XXYLT1: variants seen among roughly 807,000 people sequenced by gnomAD.
XXYLT1 encodes the protein xyloside xylosyltransferase 1.
In XXYLT1, 20 loss-of-function variants were observed where a neutral mutation model predicts 28.9. The ratio of observed to expected loss-of-function variants is 0.69; its 90% CI spans 0.49 to 1.00. The LOEUF (loss-of-function observed/expected upper bound fraction) is 1.00, where lower values mean the gene tolerates loss of function less well. XXYLT1 is among the 50% of genes least tolerant of loss of function. The pLI is 0.00. For missense variants in XXYLT1, 542 were observed against 560.1 expected (o/e 0.97, Z 0.33); for synonymous variants, 257 against 253.8 (o/e 1.01, Z -0.12).
Position 195,201,987 on chromosome 3 carries a change from A to G in XXYLT1, c.652+24722T>C, listed in dbSNP as rs549903485. ...AGGTCAGAAGTTCAAGACCAGCCTG[A>G]CCAACATGGAGAAACCCCGTCTCTA... On this transcript the variant is annotated intron_variant, in intron 2 of 3. Transcript: ENST00000310380. 1.0e-3 allele frequency among the ~76,000 whole-genome samples: 156 copies of G among 151,936 alleles called. 1 individual carries two copies. Among genetic ancestry groups the G allele is most frequent in the South Asian group, 3.5e-3 (17 of 4,806 alleles).
intron 1 of XXYLT1, among the ~76,000 whole-genome samples, chr3:195,242,370 CTT>C (rs954400877): frequency 2.6e-5 from 4 of 152,192 alleles, no homozygotes; most frequent in African/African-American, 4.8e-5. Context: ...CAATCACTCT[CTT>C]TGTCAGTAGG....
chr3:195,161,638 T>C (rs1720877582), intron 2 of XXYLT1, among the ~76,000 whole-genome samples: 1 of 149,974 alleles, frequency 6.7e-6, no homozygotes, highest in African/African-American at 2.4e-5. Context: ...ATATAGATTT[T>C]TTTTTTTTTT....
At chr3:195,200,445 T>C (rs1333311269) in intron 2 of XXYLT1, among the ~76,000 whole-genome samples, 1 of 152,206 alleles carries the variant, frequency 6.6e-6, no homozygotes, top group East Asian at 1.9e-4. Flanking sequence ...GTGGAAACAA[T>C]GGTACTGGAA....
At chr3:195,252,534 T>A (rs1725297449) in intron 1 of XXYLT1, among the ~76,000 whole-genome samples, 1 of 152,136 alleles carries the variant, frequency 6.6e-6, no homozygotes, top group African/African-American at 2.4e-5. Context: ...AAATTCTTTA[T>A]AATGAAGAGG....
chr3:195,098,829 C>T (rs947330227), intron 3 of XXYLT1, among the ~76,000 whole-genome samples: 9 of 152,206 alleles, frequency 5.9e-5, no homozygotes, highest in South Asian at 2.1e-4. Flanking sequence ...ACACTACCTA[C>T]GGGTGGGACC....
chr3:195,251,254 G>A (rs1049522979), intron 1 of XXYLT1, among the ~76,000 whole-genome samples: 2 of 152,242 alleles, frequency 1.3e-5, no homozygotes, highest in Non-Finnish European at 2.9e-5. Context: ...GAGACCACTT[G>A]CTAACTGCAA....
At position 195,215,958 on chromosome 3, in the gene XXYLT1, T is replaced by C. The variant is rs531605405; in HGVS notation, c.652+10751A>G. 1.1e-4 allele frequency among the ~76,000 whole-genome samples: 17 copies of C among 151,680 alleles called. No homozygotes were observed. The South Asian group carries it at 3.2e-3, about 28-fold the overall frequency. ...CTCAGCAAATGTAAAAGAACAGAAA[T>C]TATAACAAACTATCTCTCAGACCAC... On this transcript the variant is annotated intron_variant, in intron 2 of 3. Coordinates refer to ENST00000310380, the MANE Select transcript of XXYLT1 (RefSeq NM_152531.5).
At chr3:195,111,785 G>A (rs1483416719) in intron 3 of XXYLT1, among the ~76,000 whole-genome samples, 1 of 152,146 alleles carries the variant, frequency 6.6e-6, no homozygotes, top group Non-Finnish European at 1.5e-5. Flanking sequence ...AGGGCCTTGA[G>A]GCTGGATTAC....
chr3:195,117,869 G>C lies in XXYLT1; in HGVS notation c.785+38580C>G, dbSNP rs577286805. On this transcript the variant is annotated intron_variant, in intron 3 of 3. Transcript: ENST00000310380. ...GGAGTTCCCATTCCTGGGCCCCTGG[G>C]CCACAGCCTCCCCGTCGGAATAACA... Among the ~76,000 whole-genome samples, 35 of 152,336 alleles carry C rather than the reference G, an allele frequency of 2.3e-4. No individual in the cohort carries two copies. The Middle Eastern group carries it at 0.01, about 44-fold the overall frequency.
At chr3:195,071,757 A>C (rs1714828251) in intron 3 of XXYLT1, among the ~76,000 whole-genome samples, 1 of 152,142 alleles carries the variant, frequency 6.6e-6, no homozygotes, top group African/African-American at 2.4e-5. Context: ...GGACCAGGTT[A>C]TAAAGCAGCT....
chr3:195,253,560 G>C (rs1042553364), intron 1 of XXYLT1, among the ~76,000 whole-genome samples: 4 of 127,526 alleles, frequency 3.1e-5, no homozygotes, highest in Non-Finnish European at 4.7e-5. Flanking sequence ...GTGCAGTGTT[G>C]TGATTTTGGT....
chr3:195,176,402 G>C lies in XXYLT1; in HGVS notation c.653-19821C>G, dbSNP rs1027106346. ...TGTAGAATGCTTAAATCCCCTCCCA[G>C]TAATTCTGATCCTCTGTGATCACAC... On this transcript the variant is annotated intron_variant, in intron 2 of 3. Coordinates refer to ENST00000310380, the MANE Select transcript of XXYLT1 (RefSeq NM_152531.5). The surrounding 1 kb of genome is among the most constrained non-coding windows in gnomAD (Gnocchi z 4.9). 6.6e-6 allele frequency among the ~76,000 whole-genome samples: 1 copy of C among 152,108 alleles called. No homozygotes were observed. Among genetic ancestry groups the C allele is most frequent in the Non-Finnish European group, 1.5e-5 (1 of 68,026 alleles).
At chr3:195,197,442 A>T (rs74734559) in intron 2 of XXYLT1, among the ~76,000 whole-genome samples, 1 of 121,664 alleles carries the variant, frequency 8.2e-6, no homozygotes, top group African/African-American at 4.3e-5. Flanking sequence ...GTCTCAATTT[A>T]AAAAAAAAAA....
At chr3:195,120,283 T>TTCCC (rs1718282717) in intron 3 of XXYLT1, among the ~76,000 whole-genome samples, 1 of 68,668 alleles carries the variant, frequency 1.5e-5, no homozygotes, top group Non-Finnish European at 3.1e-5. Flanking sequence ...GCTGCTCAGA[T>TTCCC]GCCCCCCCCG....
rs1176765083 is a variant in XXYLT1, at chr3:195,150,898, TCTCC to T, written c.785+5547_785+5550del. 6.6e-6 allele frequency among the ~76,000 whole-genome samples: 1 copy of T among 150,840 alleles called. No individual in the cohort carries two copies. Among genetic ancestry groups the T allele is most frequent in the Non-Finnish European group, 1.5e-5 (1 of 67,832 alleles). On this transcript the variant is annotated intron_variant, in intron 3 of 3. Coordinates refer to ENST00000310380, the MANE Select transcript of XXYLT1 (RefSeq NM_152531.5). The surrounding 1 kb of genome is among the most constrained non-coding windows in gnomAD (Gnocchi z 4.7). Reference sequence around the variant, plus strand: ...CTCCCTCTCCCTCTCCCTCTCTCTCTCTCCATCACTCCAGGGTCAGCAGGAGCCC... The same window carrying T: ...CTCCCTCTCCCTCTCCCTCTCTCTCTATCACTCCAGGGTCAGCAGGAGCCC...
chr3:195,089,386 A>G (rs1347456435), intron 3 of XXYLT1, among the ~76,000 whole-genome samples: 6 of 152,146 alleles, frequency 3.9e-5, no homozygotes, highest in Admixed American at 6.5e-5. Flanking sequence ...ATTCTTAAAG[A>G]AAAGGATTTT....
In XXYLT1 at chr3:195,078,583, C is replaced by G. The variant is rs1482022901; in HGVS notation, c.786-8472G>C. 6.6e-6 allele frequency among the ~76,000 whole-genome samples: 1 copy of G among 152,154 alleles called. No individual in the cohort carries two copies. The highest frequency in any genetic ancestry group is 1.9e-4 in the East Asian group (1 of 5,190). ...GCTGGGCCTTCTCCCCAGTGATGCC[C>G]TCCAAGCCTCCTACTAATATCGACT... is the stretch of plus-strand genomic sequence containing the variant. On this transcript the variant is annotated intron_variant, in intron 3 of 3. Coordinates refer to ENST00000310380, the MANE Select transcript of XXYLT1 (RefSeq NM_152531.5). This position sits in a 1 kb window ranked among gnomAD's most constrained non-coding sequence, Gnocchi z 5.0.
intron 2 of XXYLT1, among the ~76,000 whole-genome samples, chr3:195,191,715 G>C (rs1044716583): frequency 6.6e-6 from 1 of 152,186 alleles, no homozygotes; most frequent in African/African-American, 2.4e-5. Flanking sequence ...ACAATAGCTT[G>C]AGTGGCTGTA....
chr3:195,207,752 C>G (rs1723135169), intron 2 of XXYLT1, among the ~76,000 whole-genome samples: 1 of 152,156 alleles, frequency 6.6e-6, no homozygotes, highest in Non-Finnish European at 1.5e-5. Context: ...ACAATTCAGG[C>G]AAGCTTAGCC....
Sources: allele counts gnomAD v4.1 joint callset (sites outside exome capture counted in the v4.1 genomes callset), GRCh38; gene constraint gnomAD v4.1.1; non-coding constraint Gnocchi (gnomAD v3.1); transcripts MANE v1.5; gene names NCBI Gene and HGNC (gene_info 2026-07-23, HGNC 2026-07-21).